The following CNTN6 variants were observed in gnomAD, a reference collection of about 807,000 sequenced individuals.
The protein encoded by CNTN6 is contactin-6.
Under a neutral mutation model 122.8 loss-of-function variants are expected in CNTN6, and 137 were observed. That is an observed-to-expected ratio of 1.12 (90% confidence interval 0.97 to 1.29). The LOEUF (loss-of-function observed/expected upper bound fraction) is 1.29, where lower values mean the gene tolerates loss of function less well. CNTN6 is among the 50% of genes most tolerant of loss of function. The pLI is 0.00. For missense variants in CNTN6, 1,634 were observed against 1,223.4 expected, an observed-to-expected ratio of 1.34 and a Z score of -5.01; for synonymous variants, 570 against 426.0, an observed-to-expected ratio of 1.34 and a Z score of -4.16.
intron 2 of CNTN6, among the ~76,000 whole-genome samples, chr3:1,194,758 G>C (rs1487863482): frequency 1.3e-5 from 2 of 151,984 alleles, no homozygotes; most frequent in Non-Finnish European, 2.9e-5. Flanking sequence ...ATACCCCAGA[G>C]CCAATTTTCA....
At chr3:1,292,619 A>T (rs1695516485) in intron 5 of CNTN6, among the ~76,000 whole-genome samples, 1 of 152,184 alleles carries the variant, frequency 6.6e-6, no homozygotes, top group African/African-American at 2.4e-5. Flanking sequence ...TGCATAAAAC[A>T]TAAAACATCC....
chr3:1,279,623 C>T (rs1453894894), intron 5 of CNTN6, among the ~76,000 whole-genome samples: 2 of 152,174 alleles, frequency 1.3e-5, no homozygotes, highest in African/African-American at 4.8e-5. Flanking sequence ...CCCAGACCCT[C>T]AGCTCTTAAC....
chr3:1,179,024 G>C (rs1328459974), intron 2 of CNTN6, among the ~76,000 whole-genome samples: 1 of 152,112 alleles, frequency 6.6e-6, no homozygotes, highest in African/African-American at 2.4e-5. Context: ...CAAGAAGCAC[G>C]GTGCCAACAT....
chr3:1,177,233 C>T (rs2093467942), intron 2 of CNTN6, among the ~76,000 whole-genome samples: 1 of 152,098 alleles, frequency 6.6e-6, no homozygotes, highest in South Asian at 2.1e-4. Flanking sequence ...TATTTTAAAA[C>T]TCAGATATAA....
At chr3:1,263,207 C>T (rs977299069) in intron 4 of CNTN6, among the ~76,000 whole-genome samples, 9 of 152,050 alleles carry the variant, frequency 5.9e-5, no homozygotes, top group African/African-American at 2.2e-4. Context: ...TGAAAAGTAC[C>T]ATTTTAAATG....
intron 7 of CNTN6, among the ~76,000 whole-genome samples, chr3:1,304,571 C>A (rs923042540): frequency 6.6e-6 from 1 of 152,024 alleles, no homozygotes; most frequent in Non-Finnish European, 1.5e-5. Flanking sequence ...AAGAAAAAGG[C>A]TTGAAAGAAT....
chr3:1,255,151 T>G (rs1475299431), intron 4 of CNTN6, among the ~76,000 whole-genome samples: 1 of 152,140 alleles, frequency 6.6e-6, no homozygotes, highest in Non-Finnish European at 1.5e-5. Flanking sequence ...ACTTGAGGCA[T>G]ATGCTCAGAA....
intron 2 of CNTN6, among the ~76,000 whole-genome samples, chr3:1,198,688 C>G (rs1387877280): frequency 2.0e-5 from 3 of 150,814 alleles, no homozygotes; most frequent in Non-Finnish European, 4.4e-5. Flanking sequence ...CAACATTGCA[C>G]TCCAGCCTGG....
At chr3:1,240,416 G>A (rs1468023132) in intron 4 of CNTN6, among the ~76,000 whole-genome samples, 1 of 152,110 alleles carries the variant, frequency 6.6e-6, no homozygotes, top group Non-Finnish European at 1.5e-5. Flanking sequence ...AAGCACAAAT[G>A]GGAAAATGCT....
chr3:1,310,344 T>A, intron 7 of CNTN6, among the ~76,000 whole-genome samples: 1 of 152,164 alleles, frequency 6.6e-6, no homozygotes, highest in East Asian at 1.9e-4. Context: ...GTTGCATTTT[T>A]CCAAATGCTT....
rs557424622 is a variant in CNTN6 at position 1,304,433 on chromosome 3, A to C, written c.761+6442A>C. Among the ~76,000 whole-genome samples, 12 of 152,324 alleles carry C rather than the reference A, an allele frequency of 7.9e-5. 1 individual carries two copies. In the East Asian group the frequency reaches 1.7e-3, roughly 22 times the overall value. ...TCTGGGATTCAAATCTACATCTCAT[A>C]GATTCTGACTTCAAAACTCATGCTT... On this transcript the variant is annotated intron_variant, in intron 7 of 22. Transcript: ENST00000446702.
intron 4 of CNTN6, among the ~76,000 whole-genome samples, chr3:1,245,262 T>TAAC (rs1338560728): frequency 1.7e-4 from 1 of 5,744 alleles, no homozygotes; most frequent in Non-Finnish European, 3.2e-4. Context: ...ATATAACATA[T>TAAC]ATATATATAT....
At chr3:1,157,501 G>A (rs932632907) in intron 2 of CNTN6, among the ~76,000 whole-genome samples, 28 of 152,136 alleles carry the variant, frequency 1.8e-4, no homozygotes, top group African/African-American at 6.5e-4. Flanking sequence ...ACAGATATAA[G>A]CCACCACGCC....
intron 8 of CNTN6, 96 bp from the exon 9 acceptor site, chr3:1,325,719 G>T: frequency 7.6e-7 from 1 of 1,324,396 alleles, no homozygotes; most frequent in Non-Finnish European, 1.0e-6. Context: ...GACCCAGTTA[G>T]CCTTGTCCTT....
chr3:1,169,707 G>C (rs544047930), intron 2 of CNTN6, among the ~76,000 whole-genome samples: 17 of 152,084 alleles, frequency 1.1e-4, no homozygotes, highest in African/African-American at 3.6e-4. Flanking sequence ...TTAAACATTT[G>C]TGCCAATTAT....
At chr3:1,279,029 A>G (rs1331219470) in intron 5 of CNTN6, among the ~76,000 whole-genome samples, 1 of 152,178 alleles carries the variant, frequency 6.6e-6, no homozygotes, top group Non-Finnish European at 1.5e-5. Context: ...CTCTATGGAG[A>G]AGCAAATTCC....
At chr3:1,151,625 T>C (rs2092844602) in intron 2 of CNTN6, among the ~76,000 whole-genome samples, 2 of 152,188 alleles carry the variant, frequency 1.3e-5, no homozygotes, top group African/African-American at 4.8e-5. Flanking sequence ...GAAACTATGA[T>C]GTGCCAGGCA....
At chr3:1,392,463 A>T (rs1488195112) in intron 20 of CNTN6, among the ~76,000 whole-genome samples, 1 of 152,008 alleles carries the variant, frequency 6.6e-6, no homozygotes, top group African/African-American at 2.4e-5. Context: ...CTAAAAGAAA[A>T]CCTAGGCATT....
intron 10 of CNTN6, among the ~76,000 whole-genome samples, chr3:1,328,836 G>T (rs1168670429): frequency 6.6e-6 from 1 of 151,684 alleles, no homozygotes; most frequent in Non-Finnish European, 1.5e-5. Context: ...CAACATTCAT[G>T]AAGTTGGAAA....
Sources: allele counts gnomAD v4.1 joint callset (sites outside exome capture counted in the v4.1 genomes callset), GRCh38; gene constraint gnomAD v4.1.1; transcripts MANE v1.5; gene names NCBI Gene and HGNC (gene_info 2026-07-23, HGNC 2026-07-21).